ACYP2: variants seen among roughly 807,000 people sequenced by gnomAD.
ACYP2 encodes the protein acylphosphatase 2, also known as acylphosphatase-2.
In ACYP2, 12 loss-of-function variants were observed where a neutral mutation model predicts 11.2. The ratio of observed to expected loss-of-function variants is 1.08; its 90% confidence interval spans 0.69 to 1.74. ACYP2 has a LOEUF of 1.74. Ranked by LOEUF, ACYP2 falls within the 40% of genes most tolerant of loss-of-function variation. The pLI is 0.00. For synonymous variants in ACYP2, 43 were observed against 32.2 expected, an observed-to-expected ratio of 1.33 and a Z score of -1.13; for missense variants, 134 against 101.9, an observed-to-expected ratio of 1.31 and a Z score of -1.35.
At chr2:54,076,424 A>C (rs1193324695) in intron 4 of ACYP2, among the ~76,000 whole-genome samples, 4 of 152,218 alleles carry the variant, frequency 2.6e-5, no homozygotes, top group Non-Finnish European at 5.9e-5. Context: ...TGAGAAGCTC[A>C]TGGAAGATCG....
chr2:54,028,466 A>G (rs1674410680), intron 2 of ACYP2, among the ~76,000 whole-genome samples: 1 of 152,160 alleles, frequency 6.6e-6, no homozygotes, highest in Non-Finnish European at 1.5e-5. Flanking sequence ...CTCTGTAAAC[A>G]TGGGATGATG....
chr2:54,179,223 C>CA (rs907992743), intron 6 of ACYP2, among the ~76,000 whole-genome samples: 1 of 96,356 alleles, frequency 1.0e-5, no homozygotes, highest in Non-Finnish European at 1.9e-5. Context: ...GACCTGTGAC[C>CA]AAATGTAGGT....
chr2:54,013,051 C>G (rs1424193177), intron 2 of ACYP2, among the ~76,000 whole-genome samples: 1 of 152,106 alleles, frequency 6.6e-6, no homozygotes, highest in Non-Finnish European at 1.5e-5. Context: ...GCAGATATAT[C>G]TATCTGCATG....
At chr2:54,109,457 A>G (rs375017671) in intron 4 of ACYP2, among the ~76,000 whole-genome samples, 1 of 152,186 alleles carries the variant, frequency 6.6e-6, no homozygotes, top group Non-Finnish European at 1.5e-5. Context: ...TATTGGGTAC[A>G]GCGTACACTG....
At chr2:54,229,336 C>A (rs549062605) in intron 6 of ACYP2, among the ~76,000 whole-genome samples, 1 of 152,062 alleles carries the variant, frequency 6.6e-6, no homozygotes, top group African/African-American at 2.4e-5. Flanking sequence ...TGTTGTTATT[C>A]TTTTATTATT....
At chr2:54,057,784 C>T (rs984404183) in intron 4 of ACYP2, among the ~76,000 whole-genome samples, 5 of 152,018 alleles carry the variant, frequency 3.3e-5, no homozygotes, top group Admixed American at 6.6e-5. Context: ...GGGAATTACT[C>T]AAATGAGGAG....
At chr2:54,272,998 T>G in intron 6 of ACYP2, among the ~76,000 whole-genome samples, 1 of 152,238 alleles carries the variant, frequency 6.6e-6, no homozygotes, top group East Asian at 1.9e-4. Flanking sequence ...TTCATCTTGT[T>G]TTCAAAGAAT....
At chr2:53,975,438 T>C (rs181195834) in intron 2 of ACYP2, 1 of 391,658 alleles carries the variant, frequency 2.6e-6, no homozygotes, top group African/African-American at 2.1e-5. Context: ...GTCTGCTCAT[T>C]AGTGGAGACA....
intron 4 of ACYP2, among the ~76,000 whole-genome samples, chr2:54,124,364 T>C (rs1680345456): frequency 6.6e-6 from 1 of 152,108 alleles, no homozygotes; most frequent in African/African-American, 2.4e-5. Context: ...CTGGCTAATT[T>C]TTTGTATTTT....
In ACYP2 at chr2:54,053,517, A is replaced by G. The variant is rs75697870; in HGVS notation, c.155+2467A>G. 7.9e-5 allele frequency among the ~76,000 whole-genome samples: 12 copies of G among 152,264 alleles called. No homozygotes were observed. The East Asian group carries it at 1.7e-3, about 22-fold the overall frequency. On this transcript the variant is annotated intron_variant, in intron 3 of 6. Coordinates refer to ENST00000607452, the MANE Select transcript of ACYP2 (RefSeq NM_001320586.2). ...TGTGTGTTCCAGGCCTCACACCTAC[A>G]GTGGCTCTGTGACTCTCTCTGTACC...
At chr2:54,299,450 G>C (rs758855758) in intron 6 of ACYP2, among the ~76,000 whole-genome samples, 1 of 151,914 alleles carries the variant, frequency 6.6e-6, no homozygotes, top group African/African-American at 2.4e-5. Context: ...AAATTAGCTG[G>C]GCATGGTGGC....
At chr2:54,174,432 G>A (rs1052890507) in intron 6 of ACYP2, among the ~76,000 whole-genome samples, 8 of 152,146 alleles carry the variant, frequency 5.3e-5, no homozygotes, top group South Asian at 2.1e-4. Context: ...GGGCTGAGAC[G>A]ATGGGGTTTT....
intron 4 of ACYP2, among the ~76,000 whole-genome samples, chr2:54,126,191 A>G (rs934323221): frequency 6.6e-6 from 1 of 152,248 alleles, no homozygotes; most frequent in African/African-American, 2.4e-5. Flanking sequence ...ATAATAACGT[A>G]TGTATTTTTG....
chr2:54,178,870 C>T (rs1036180204), intron 6 of ACYP2, among the ~76,000 whole-genome samples: 8 of 152,136 alleles, frequency 5.3e-5, no homozygotes, highest in African/African-American at 1.9e-4. Flanking sequence ...TATTCAGTGA[C>T]CCTTTGTGAG....
intron 2 of ACYP2, among the ~76,000 whole-genome samples, chr2:54,045,944 G>T (rs1413531632): frequency 6.6e-6 from 1 of 152,030 alleles, no homozygotes; most frequent in Non-Finnish European, 1.5e-5. Flanking sequence ...GCCAAGGTGG[G>T]TAGATTGCTT....
intron 4 of ACYP2, chr2:54,123,183 A>G (rs1248274107): frequency 5.1e-6 from 2 of 394,710 alleles, no homozygotes; most frequent in African/African-American, 2.1e-5. Flanking sequence ...GGAATGACAC[A>G]CTAATGATAC....
chr2:53,991,582 T>C (rs1218714794), intron 2 of ACYP2, among the ~76,000 whole-genome samples: 1 of 151,882 alleles, frequency 6.6e-6, no homozygotes, highest in Non-Finnish European at 1.5e-5. Flanking sequence ...ATTTTGTATT[T>C]TTAGTAGAGA....
intron 6 of ACYP2, among the ~76,000 whole-genome samples, chr2:54,209,609 C>T (rs1335597618): frequency 6.6e-6 from 1 of 152,190 alleles, no homozygotes; most frequent in Non-Finnish European, 1.5e-5. Flanking sequence ...TTACGCTTCT[C>T]AGTTGTAACA....
intron 6 of ACYP2, among the ~76,000 whole-genome samples, chr2:54,152,269 A>T (rs552728769): frequency 6.6e-6 from 1 of 151,788 alleles, no homozygotes; most frequent in East Asian, 1.9e-4. Context: ...AAACACGTAC[A>T]TGATGCTCAG....
Sources: gnomAD v4.1 joint callset for allele counts (sites outside exome capture counted in the v4.1 genomes callset) on GRCh38, gnomAD v4.1.1 for gene constraint, MANE v1.5 for transcripts, NCBI Gene and HGNC (gene_info 2026-07-23, HGNC 2026-07-21) for gene names.